FAM153A: variants seen among roughly 807,000 people sequenced by gnomAD.
The protein encoded by FAM153A is protein FAM153A.
FAM153A carries 12 observed loss-of-function variants against 48.1 expected under a neutral mutation model. The observed-to-expected ratio is 0.25, with a 90% CI of 0.16 to 0.40. The LOEUF is 0.40. FAM153A is among the 10% of genes least tolerant of loss of function. The pLI is 1.00. For missense variants in FAM153A, 111 were observed against 345.8 expected, an observed-to-expected ratio of 0.32 and a Z score of 5.38; for synonymous variants, 36 against 118.2, an observed-to-expected ratio of 0.30 and a Z score of 4.51.
intron 1 of FAM153A, among the ~76,000 whole-genome samples, chr5:177,758,882 A>G (rs1366681008): frequency 6.6e-6 from 1 of 150,900 alleles, no homozygotes; most frequent in Non-Finnish European, 1.5e-5. Flanking sequence ...CTAGAAGAAA[A>G]CCTAGGCAAT....
chr5:177,781,885 A>ATTT (rs1278832484), upstream of FAM153A, among the ~76,000 whole-genome samples: 7 of 67,282 alleles, frequency 1.0e-4, no homozygotes, highest in African/African-American at 3.9e-4. Context: ...CGCCCGGCTA[A>ATTT]TTTTTTTTTT....
chr5:177,708,358 C>T (rs940828776), downstream of FAM153A, among the ~76,000 whole-genome samples: 2 of 150,134 alleles, frequency 1.3e-5, no homozygotes, highest in African/African-American at 2.5e-5. Context: ...GGCAGATCAC[C>T]GGAGGTTGTG....
exon 27 of FAM153A, chr5:177,711,259 C>T (rs1249111851): frequency 4.0e-5 from 6 of 151,724 alleles, no homozygotes; most frequent in African/African-American, 4.9e-5. Flanking sequence ...ATTTTTTAAA[C>T]GGAATATGAA....
At chr5:177,717,584 C>T (rs980682862), downstream of FAM153A, among the ~76,000 whole-genome samples, 25 of 150,486 alleles carry the variant, frequency 1.7e-4, 1 homozygote, top group African/African-American at 6.0e-4. Flanking sequence ...AAGCTACCCT[C>T]ACAAGGAGAT....
At chr5:177,749,728 A>G (rs1766572505) in intron 2 of FAM153A, among the ~76,000 whole-genome samples, 1 of 137,118 alleles carries the variant, frequency 7.3e-6, no homozygotes, top group South Asian at 2.4e-4. Flanking sequence ...AGAAACTACC[A>G]TAACCACCCA....
At chr5:177,738,732 G>A (rs71601378) in intron 10 of FAM153A, among the ~76,000 whole-genome samples, 40,650 of 150,910 alleles carry the variant, frequency 0.27, 6,099 homozygotes, top group South Asian at 0.38. Context: ...GCAGAGTGAC[G>A]TTAAGGTGTG....
At chr5:177,753,978 G>T (rs530399397), upstream of FAM153A, among the ~76,000 whole-genome samples, 1 of 151,898 alleles carries the variant, frequency 6.6e-6, no homozygotes, top group East Asian at 1.9e-4. Flanking sequence ...GGGGATTGTC[G>T]GACAGTGGGT....
chr5:177,722,196 C>A (rs1761185833), downstream of FAM153A: 1 of 121,718 alleles, frequency 8.2e-6, no homozygotes, highest in Non-Finnish European at 1.7e-5. Flanking sequence ...GTGGCATGAT[C>A]TCGGCTCACC....
exon 14 of FAM153A, chr5:177,734,403 G>T: frequency 8.3e-7 from 1 of 1,199,878 alleles, no homozygotes; most frequent in Non-Finnish European, 1.2e-6. Context: ...TCCCAAGGAT[G>T]TCTGTAACGA....
upstream of FAM153A, among the ~76,000 whole-genome samples, chr5:177,754,108 T>A (rs1254753855): frequency 1.3e-5 from 2 of 151,628 alleles, no homozygotes; most frequent in East Asian, 1.9e-4. Context: ...GATGACAGGC[T>A]GCACCTGGAA....
the FAM153A span, among the ~76,000 whole-genome samples, chr5:177,698,153 A>G: frequency 7.8e-4 from 118 of 151,752 alleles, 1 homozygote; most frequent in African/African-American, 2.7e-3. Context: ...CAGGAAGGGA[A>G]GGAATTGTGC....
chr5:177,699,504 C>G, the FAM153A span, among the ~76,000 whole-genome samples: 1 of 151,886 alleles, frequency 6.6e-6, no homozygotes, highest in Admixed American at 6.5e-5. Context: ...TCCAAAATTA[C>G]TAAAATTAGG....
At chr5:177,716,542 A>G (rs1367222575) in intron 24 of FAM153A, 1 of 151,860 alleles carries the variant, frequency 6.6e-6, no homozygotes, top group Non-Finnish European at 1.5e-5. Context: ...CATGCCTATC[A>G]GCGAGAAGGT....
At chr5:177,770,816 T>C (rs1769070846) in intron 1 of FAM153A, among the ~76,000 whole-genome samples, 1 of 98,840 alleles carries the variant, frequency 1.0e-5, no homozygotes, top group African/African-American at 4.0e-5. Flanking sequence ...AAAATACTAA[T>C]CATGGGGGAG....
chr5:177,701,170 T>G, the FAM153A span, among the ~76,000 whole-genome samples: 1 of 151,838 alleles, frequency 6.6e-6, no homozygotes, highest in Non-Finnish European at 1.5e-5. Flanking sequence ...CCTTTTGCCA[T>G]GATTGGAAGC....
intron 10 of FAM153A, among the ~76,000 whole-genome samples, chr5:177,737,666 A>G (rs1764890531): frequency 6.6e-6 from 1 of 151,398 alleles, no homozygotes; most frequent in African/African-American, 2.5e-5. Context: ...GATTATAGGC[A>G]TGCATCACCA....
At chr5:177,753,989 G>A (rs1483876498), upstream of FAM153A, among the ~76,000 whole-genome samples, 4 of 151,954 alleles carry the variant, frequency 2.6e-5, no homozygotes, top group Admixed American at 2.0e-4. Flanking sequence ...GACAGTGGGT[G>A]CAGGACAGTG....
chr5:177,709,749 C>T (rs1486745192), downstream of FAM153A, among the ~76,000 whole-genome samples: 1 of 125,466 alleles, frequency 8.0e-6, no homozygotes, highest in Non-Finnish European at 1.7e-5. Flanking sequence ...CAGCTCACTG[C>T]CACCTCTGCC....
intron 25 of FAM153A, chr5:177,714,070 G>A (rs1338423395): frequency 6.6e-6 from 1 of 151,682 alleles, no homozygotes; most frequent in Non-Finnish European, 1.5e-5. Context: ...AAGAATCACC[G>A]TGATGGGCTG....
Sources: allele counts gnomAD v4.1 joint callset (sites outside exome capture counted in the v4.1 genomes callset), GRCh38; gene constraint gnomAD v4.1.1; transcripts MANE v1.5; gene names NCBI Gene and HGNC (gene_info 2026-07-23, HGNC 2026-07-21).